Variants in GLIS3 observed in about 807,000 individuals in gnomAD.
The protein encoded by GLIS3 is zinc finger protein GLIS3.
Under a neutral mutation model 78.6 loss-of-function variants are expected in GLIS3, and 53 were observed. That is an observed-to-expected ratio of 0.67 (90% confidence interval 0.54 to 0.85). The LOEUF (loss-of-function observed/expected upper bound fraction) is 0.85, where lower values mean the gene tolerates loss of function less well. GLIS3 is among the 40% of genes least tolerant of loss of function. GLIS3 has a pLI of 0.00. For synonymous variants in GLIS3, 684 were observed against 509.9 expected (o/e 1.34, Z -4.60); for missense variants, 1,703 against 1,231.1 (o/e 1.38, Z -5.74).
chr9:4,374,954 A>G, the GLIS3 span, among the ~76,000 whole-genome samples: 3 of 152,072 alleles, frequency 2.0e-5, no homozygotes, highest in Non-Finnish European at 2.9e-5. Context: ...GCAGCTTGCT[A>G]TTTACAATTT....
intron 4 of GLIS3, among the ~76,000 whole-genome samples, chr9:4,095,566 G>A (rs538661167): frequency 1.2e-4 from 19 of 152,306 alleles, no homozygotes; most frequent in African/African-American, 4.6e-4. Context: ...AAGAGGAAGA[G>A]TCTGGGCCTA....
At chr9:4,423,449 C>T in the GLIS3 span, among the ~76,000 whole-genome samples, 1 of 152,024 alleles carries the variant, frequency 6.6e-6, no homozygotes, top group Non-Finnish European at 1.5e-5. Context: ...TTCCCACACC[C>T]CTCCCCCAGA....
At chr9:4,456,237 C>A in the GLIS3 span, among the ~76,000 whole-genome samples, 1 of 152,050 alleles carries the variant, frequency 6.6e-6, no homozygotes, top group African/African-American at 2.4e-5. Flanking sequence ...TCATGTGAGC[C>A]CTCAGAAAGT....
intron 4 of GLIS3, among the ~76,000 whole-genome samples, chr9:4,037,136 T>C (rs975633744): frequency 4.6e-5 from 7 of 152,182 alleles, no homozygotes; most frequent in Non-Finnish European, 8.8e-5. Flanking sequence ...ACTGAATACT[T>C]TGAAGATTAA....
At chr9:4,376,163 C>G in the GLIS3 span, among the ~76,000 whole-genome samples, 5 of 152,142 alleles carry the variant, frequency 3.3e-5, no homozygotes, top group Admixed American at 6.6e-5. Context: ...CTTCAAAGTT[C>G]TCAGGCATGA....
chr9:4,482,998 A>G, the GLIS3 span, among the ~76,000 whole-genome samples: 1 of 152,210 alleles, frequency 6.6e-6, no homozygotes, highest in Non-Finnish European at 1.5e-5. Context: ...TGGCTTGGAG[A>G]AAGAACTTTT....
intron 4 of GLIS3, among the ~76,000 whole-genome samples, chr9:4,058,792 A>G (rs1196819806): frequency 6.6e-6 from 1 of 152,062 alleles, no homozygotes; most frequent in Non-Finnish European, 1.5e-5. Flanking sequence ...CATCCTGGCT[A>G]ACACAGTGAA....
chr9:4,208,689 C>G (rs560063813), intron 2 of GLIS3, among the ~76,000 whole-genome samples: 2 of 152,212 alleles, frequency 1.3e-5, no homozygotes, highest in East Asian at 1.9e-4. Context: ...TTTGAAAAAC[C>G]CTGGATGGTT....
At chr9:4,380,734 A>G in the GLIS3 span, among the ~76,000 whole-genome samples, 16,870 of 152,214 alleles carry the variant, frequency 0.11, 1,552 homozygotes, top group African/African-American at 0.25. Context: ...ATATTGTTAA[A>G]ATTTTTAAAT....
upstream of GLIS3, among the ~76,000 whole-genome samples, chr9:4,301,229 A>G (rs1034295904): frequency 6.6e-6 from 1 of 152,178 alleles, no homozygotes; most frequent in Admixed American, 6.5e-5. Flanking sequence ...ACTCATCAGA[A>G]TATTTGTCAG....
intron 2 of GLIS3, among the ~76,000 whole-genome samples, chr9:4,238,064 G>A (rs895813895): frequency 1.3e-5 from 2 of 152,146 alleles, no homozygotes; most frequent in African/African-American, 4.8e-5. Flanking sequence ...TTGCCACCCT[G>A]TCCTGCTTCT....
chr9:3,834,139 GCTTTTT>G (rs1000333458), intron 9 of GLIS3, among the ~76,000 whole-genome samples: 8 of 152,044 alleles, frequency 5.3e-5, no homozygotes, highest in African/African-American at 9.7e-5. Context: ...TTCTTAGAAG[GCTTTTT>G]CTTTTTCTTT....
chr9:3,954,509 T>C (rs1816956058), intron 4 of GLIS3, among the ~76,000 whole-genome samples: 1 of 152,254 alleles, frequency 6.6e-6, no homozygotes, highest in Non-Finnish European at 1.5e-5. Context: ...AAGGCAAAAG[T>C]ACTTGGATTT....
At chr9:4,182,279 A>C (rs552904540) in intron 2 of GLIS3, among the ~76,000 whole-genome samples, 1 of 152,336 alleles carries the variant, frequency 6.6e-6, no homozygotes, top group Admixed American at 6.5e-5. Flanking sequence ...GAATCCCTTC[A>C]GATGGGGCAT....
intron 2 of GLIS3, among the ~76,000 whole-genome samples, chr9:4,346,191 T>C (rs995351524): frequency 6.6e-6 from 1 of 152,218 alleles, no homozygotes; most frequent in African/African-American, 2.4e-5. Context: ...ACTAGAGGTT[T>C]TACAGACCTC....
At chr9:4,380,878 AT>A in the GLIS3 span, among the ~76,000 whole-genome samples, 10 of 152,180 alleles carry the variant, frequency 6.6e-5, no homozygotes, top group Non-Finnish European at 1.3e-4. Flanking sequence ...ATCTCTCAAA[AT>A]GTCTCTAAGG....
At chr9:4,416,859 C>T in the GLIS3 span, among the ~76,000 whole-genome samples, 1 of 121,202 alleles carries the variant, frequency 8.3e-6, no homozygotes, top group Non-Finnish European at 1.6e-5. Flanking sequence ...ACTCTTGTTG[C>T]CCAGGCTGGA....
At chr9:4,264,025 C>T (rs1364754052) in intron 2 of GLIS3, among the ~76,000 whole-genome samples, 1 of 152,192 alleles carries the variant, frequency 6.6e-6, no homozygotes, top group Non-Finnish European at 1.5e-5. Flanking sequence ...TCCCACTTCA[C>T]TCCAGAGCTC....
intron 2 of GLIS3, among the ~76,000 whole-genome samples, chr9:4,239,530 C>T (rs973127737): frequency 1.3e-5 from 2 of 152,142 alleles, no homozygotes; most frequent in African/African-American, 4.8e-5. Context: ...TGACAACCAT[C>T]CCAACACATC....
Sources: allele counts gnomAD v4.1 joint callset (sites outside exome capture counted in the v4.1 genomes callset), GRCh38; gene constraint gnomAD v4.1.1; transcripts MANE v1.5; gene names NCBI Gene and HGNC (gene_info 2026-07-23, HGNC 2026-07-21).